The following USP42 variants were observed in gnomAD, a reference collection of about 807,000 sequenced individuals.
USP42 encodes the protein ubiquitin carboxyl-terminal hydrolase 42.
USP42 carries 23 observed loss-of-function variants against 113.0 expected under a neutral mutation model. The ratio of observed to expected loss-of-function variants is 0.20; its 90% CI spans 0.15 to 0.29. USP42 has a LOEUF of 0.29. USP42 is among the 10% of genes least tolerant of loss of function. The pLI is 1.00. For missense variants in USP42, 2,174 were observed against 1,779.8 expected, an observed-to-expected ratio of 1.22 and a Z score of -3.99; for synonymous variants, 933 against 699.0, an observed-to-expected ratio of 1.33 and a Z score of -5.28.
intron 2 of USP42, among the ~76,000 whole-genome samples, chr7:6,114,274 G>A (rs1038798579): frequency 1.3e-5 from 2 of 152,148 alleles, no homozygotes; most frequent in African/African-American, 2.4e-5. Context: ...CAATGAATTA[G>A]CATCCATGGC....
intron 10 of USP42, among the ~76,000 whole-genome samples, 189 bp downstream of exon 10, chr7:6,145,845 G>T (rs769107399): frequency 6.6e-6 from 1 of 152,146 alleles, no homozygotes; most frequent in African/African-American, 2.4e-5. Flanking sequence ...TGAGGCTGGG[G>T]GATCACTTGA....
At chr7:6,135,707 A>AG (rs368676635) in intron 3 of USP42, 134 bp from the exon 4 acceptor site, 8 of 404,888 alleles carry the variant, frequency 2.0e-5, no homozygotes, top group African/African-American at 1.2e-4. Flanking sequence ...AAAATGCATA[A>AG]AAGTAGATAG....
chr7:6,098,095 G>A, the USP42 span, among the ~76,000 whole-genome samples: 2 of 146,554 alleles, frequency 1.4e-5, no homozygotes, highest in African/African-American at 5.1e-5. Flanking sequence ...TAGTAGAGAC[G>A]GGTTTCACCA....
intron 9 of USP42, 74 bp from the exon 10 acceptor site, chr7:6,145,442 A>G (rs912036495): frequency 7.6e-5 from 120 of 1,586,344 alleles, no homozygotes; most frequent in Non-Finnish European, 9.5e-5. Flanking sequence ...AGGAAGCTCT[A>G]AGTACCCTCT....
intron 3 of USP42, among the ~76,000 whole-genome samples, 189 bp from the exon 4 acceptor site, chr7:6,135,651 CA>C (rs1173165919): frequency 0.024 from 384 of 16,138 alleles, no homozygotes; most frequent in African/African-American, 0.059. Flanking sequence ...GACTCCATCT[CA>C]AAAAAAAAAA....
intron 3 of USP42, among the ~76,000 whole-genome samples, chr7:6,134,017 A>G (rs1780996142): frequency 6.6e-6 from 1 of 151,234 alleles, no homozygotes; most frequent in Non-Finnish European, 1.5e-5. Flanking sequence ...CAGCCTCCCG[A>G]GTAGCTGGGA....
At position 6,158,317 on chromosome 7, in the gene USP42, C is replaced by T. The variant is rs911569788; in HGVS notation, c.3944-1133C>T. Among the ~76,000 whole-genome samples, 3 of 152,232 alleles carry T rather than the reference C, an allele frequency of 2.0e-5. No homozygotes were observed. The highest frequency in any genetic ancestry group is 7.2e-5 in the African/African-American group (3 of 41,474). On this transcript the variant is annotated intron_variant, in intron 16 of 17. Coordinates refer to ENST00000306177, the MANE Select transcript of USP42 (RefSeq NM_032172.3). This position sits in a 1 kb window ranked among gnomAD's most constrained non-coding sequence, Gnocchi z 4.2. The stretch of plus-strand genomic sequence containing the variant: ...GAAAATGTTTATTATTGCCCCTTGA[C>T]AGAAAGGGTTTGTCACCCCTGCCTG...
At chr7:6,112,464 A>G (rs576774860) in intron 2 of USP42, among the ~76,000 whole-genome samples, 2 of 151,878 alleles carry the variant, frequency 1.3e-5, no homozygotes, top group South Asian at 4.2e-4. Flanking sequence ...AGAAAAAAGA[A>G]AAAAAAAAGA....
At chr7:6,115,230 C>A in intron 2 of USP42, 93 bp from the exon 3 acceptor site, 1 of 1,277,294 alleles carries the variant, frequency 7.8e-7, no homozygotes, top group South Asian at 1.3e-5. Context: ...GATTTCGGAT[C>A]TTGTAAAGAT....
rs140000688 is a variant in USP42 at position 6,133,365 on chromosome 7, G to A, written c.443-2476G>A. On this transcript the variant is annotated intron_variant, in intron 3 of 17. Coordinates refer to ENST00000306177, the MANE Select transcript of USP42 (RefSeq NM_032172.3). ...AAATTGTCCCATAGCTTACTGGTAT[G>A]CTGTGTTGTTGTTGTTATTTTGAGA... Among the ~76,000 whole-genome samples the A allele has an allele frequency of 1.4e-4, 22 of 152,256 alleles. 1 individual carries two copies. The East Asian group carries it at 4.3e-3, about 29-fold the overall frequency.
Position 6,155,024 on chromosome 7 carries a change from G to A in USP42, c.3470G>A (p.Gly1157Glu). 1 of 1,563,732 alleles carries A rather than the reference G, an allele frequency of 6.4e-7. No homozygotes were observed. The highest frequency in any genetic ancestry group is 8.7e-7 in the Non-Finnish European group (1 of 1,153,734). Reference sequence around the variant, plus strand: ...GATCGGTTTCACGAACACGAAAATGGAAAGTCCCGGAAACGGAGACACGAC... The same window carrying A: ...GATCGGTTTCACGAACACGAAAATGAAAAGTCCCGGAAACGGAGACACGAC... ...LSDRFHEHEN[G>E]KSRKRRHDSV... Residue 1157 changes from glycine to glutamate, a missense_variant, in exon 15 of 18, where the codon GGA becomes GAA. By Grantham distance (98) the Gly-to-Glu change is moderately conservative. Transcript: ENST00000306177.
At chr7:6,098,030 G>A in the USP42 span, among the ~76,000 whole-genome samples, 1 of 146,408 alleles carries the variant, frequency 6.8e-6, no homozygotes, top group Non-Finnish European at 1.5e-5. Flanking sequence ...TCAGCCTCCT[G>A]AGTAGCTGGG....
intron 15 of USP42, among the ~76,000 whole-genome samples, chr7:6,155,687 C>T (rs1782407393): frequency 6.6e-6 from 1 of 152,184 alleles, no homozygotes; most frequent in South Asian, 2.1e-4. Flanking sequence ...GCATCGGAGA[C>T]ACCTTCGTTT....
At chr7:6,119,732 T>C (rs1002735733) in intron 3 of USP42, among the ~76,000 whole-genome samples, 10 of 152,104 alleles carry the variant, frequency 6.6e-5, no homozygotes, top group African/African-American at 2.4e-4. Context: ...GTGACATTCT[T>C]GCTCTGTTGC....
intron 11 of USP42, among the ~76,000 whole-genome samples, chr7:6,146,743 C>T (rs1472955935): frequency 2.0e-5 from 3 of 152,212 alleles, no homozygotes; most frequent in Non-Finnish European, 4.4e-5. Context: ...GATGAGTTTG[C>T]TCCGCATCGC....
rs1261045455 is a variant in USP42 at position 6,155,173 on chromosome 7, A to G, written c.3619A>G (p.Lys1207Glu). ...AAAGAAGAAAAAGAAATCCAAAGAC[A>G]AACACCGAGACCGCGACTCCAGGTG... ...KSKKKKKSKD[K>E]HRDRDSRHQQ... Residue 1207 changes from lysine to glutamate, a missense_variant, in exon 15 of 18, where the codon AAA becomes GAA. Transcript: ENST00000306177. The G allele has an allele frequency of 8.5e-6, 13 of 1,536,864 alleles. No individual in the cohort carries two copies. The highest frequency in any genetic ancestry group is 1.1e-5 in the Non-Finnish European group (13 of 1,145,576).
Position 6,138,736 on chromosome 7 carries a change from C to T in USP42, c.554-356C>T, listed in dbSNP as rs147846947. ...TGGCAGCATTAGATTCTCATAGCAG[C>T]GCCAACCCTATTGTGAACTGTGTGT... On this transcript the variant is annotated intron_variant, in intron 4 of 17. Transcript: ENST00000306177. Among the ~76,000 whole-genome samples the T allele has an allele frequency of 3.9e-3, 589 of 152,310 alleles. 2 individuals carry two copies. The highest frequency in any genetic ancestry group is 0.014 in the African/African-American group (562 of 41,568).
At chr7:6,150,961 G>A (rs1782012669) in intron 14 of USP42, among the ~76,000 whole-genome samples, 1 of 152,250 alleles carries the variant, frequency 6.6e-6, no homozygotes, top group Non-Finnish European at 1.5e-5. Context: ...TGTCATGCCA[G>A]CACCACAGTG....
chr7:6,152,740 A>T (rs1782144465), intron 14 of USP42, among the ~76,000 whole-genome samples: 1 of 152,172 alleles, frequency 6.6e-6, no homozygotes, highest in South Asian at 2.1e-4. Context: ...AACCCCGAGG[A>T]TATATCGAAA....
Sources: allele counts gnomAD v4.1 joint callset (sites outside exome capture counted in the v4.1 genomes callset), GRCh38; gene constraint gnomAD v4.1.1; non-coding constraint Gnocchi (gnomAD v3.1); transcripts MANE v1.5; gene names NCBI Gene and HGNC (gene_info 2026-07-23, HGNC 2026-07-21).